The following ERICH3 variants were observed in gnomAD, a reference collection of about 807,000 sequenced individuals.
ERICH3 encodes glutamate-rich protein 3.
Under a neutral mutation model 131.1 loss-of-function variants are expected in ERICH3, and 126 were observed. The ratio of observed to expected loss-of-function variants is 0.96; its 90% CI spans 0.83 to 1.11. ERICH3 has a LOEUF of 1.11. Ranked by LOEUF, ERICH3 falls within the 50% of genes most tolerant of loss-of-function variation. ERICH3 has a pLI of 0.00. For missense variants in ERICH3, 2,050 were observed against 1,810.7 expected (o/e 1.13, Z -2.40); for synonymous variants, 695 against 644.6 (o/e 1.08, Z -1.18).
At chr1:74,656,401 C>T (rs1286189126) in intron 1 of ERICH3, among the ~76,000 whole-genome samples, 1 of 152,174 alleles carries the variant, frequency 6.6e-6, no homozygotes, top group Non-Finnish European at 1.5e-5. Flanking sequence ...GGGAATTCCT[C>T]TACCATCACT....
Position 74,585,032 on chromosome 1 carries a change from A to G in ERICH3, c.2176+4599T>C, listed in dbSNP as rs1285225092. ...AGCACTATGACTTTTCCTGATTCAC[A>G]TACAAAAATAGAAAATGCTTATTCC... On this transcript the variant is annotated intron_variant, in intron 12 of 14. Transcript: ENST00000326665. 2.6e-5 allele frequency among the ~76,000 whole-genome samples: 4 copies of G among 152,220 alleles called. No individual in the cohort carries two copies. In the East Asian group the frequency reaches 5.8e-4, roughly 22 times the overall value.
At chr1:74,674,013 T>C (rs77491876), upstream of ERICH3, among the ~76,000 whole-genome samples, 13,175 of 152,196 alleles carry the variant, frequency 0.087, 592 homozygotes, top group South Asian at 0.11. Flanking sequence ...AAGGAAGGAC[T>C]GGGTAGCGGC....
At chr1:74,610,305 T>A (rs945265703) in intron 9 of ERICH3, among the ~76,000 whole-genome samples, 1 of 151,204 alleles carries the variant, frequency 6.6e-6, no homozygotes, top group African/African-American at 2.4e-5. Flanking sequence ...GTTGATAAAT[T>A]TATGTATTGT....
intron 12 of ERICH3, among the ~76,000 whole-genome samples, chr1:74,587,050 G>A (rs1647360280): frequency 2.0e-5 from 3 of 152,220 alleles, no homozygotes; most frequent in Admixed American, 1.3e-4. Flanking sequence ...AACAGGCTGG[G>A]CATGGTGGCT....
intron 13 of ERICH3, among the ~76,000 whole-genome samples, 195 bp downstream of exon 13, chr1:74,576,700 C>T (rs572877037): frequency 6.6e-6 from 1 of 151,912 alleles, no homozygotes. Flanking sequence ...GATAATGTGA[C>T]CATATGATGA....
chr1:74,636,120 A>G (rs1170276229), intron 6 of ERICH3, among the ~76,000 whole-genome samples, 160 bp downstream of exon 6: 1 of 152,196 alleles, frequency 6.6e-6, no homozygotes, highest in Non-Finnish European at 1.5e-5. Context: ...CATTTGAGTA[A>G]GACATAATTA....
intron 1 of ERICH3, among the ~76,000 whole-genome samples, chr1:74,654,814 A>G (rs1027829058): frequency 6.6e-6 from 1 of 152,166 alleles, no homozygotes; most frequent in Non-Finnish European, 1.5e-5. Flanking sequence ...AGTTTAAATC[A>G]CTTGCCAAAG....
chr1:74,580,855 A>G (rs1647165233), intron 12 of ERICH3, among the ~76,000 whole-genome samples: 1 of 152,126 alleles, frequency 6.6e-6, no homozygotes, highest in Non-Finnish European at 1.5e-5. Context: ...TGGTGTGCAA[A>G]TGATCCCATC....
intron 1 of ERICH3, among the ~76,000 whole-genome samples, chr1:74,651,413 C>A (rs899505244): frequency 1.3e-5 from 2 of 152,118 alleles, no homozygotes; most frequent in African/African-American, 4.8e-5. Flanking sequence ...CCAAGAGCTT[C>A]AGTAAGGCAC....
At chr1:74,652,857 T>C (rs1469950115) in intron 1 of ERICH3, among the ~76,000 whole-genome samples, 2 of 152,142 alleles carry the variant, frequency 1.3e-5, no homozygotes, top group Non-Finnish European at 2.9e-5. Flanking sequence ...CAAGACTATC[T>C]ACCCATCCCC....
intron 11 of ERICH3, among the ~76,000 whole-genome samples, chr1:74,593,158 A>G (rs953973407): frequency 1.3e-5 from 2 of 152,176 alleles, no homozygotes; most frequent in African/African-American, 4.8e-5. Flanking sequence ...GGCCGAAGCC[A>G]GCAAGTTTGG....
chr1:74,607,551 G>C (rs536933343), intron 9 of ERICH3, among the ~76,000 whole-genome samples: 7 of 151,908 alleles, frequency 4.6e-5, no homozygotes, highest in African/African-American at 1.7e-4. Flanking sequence ...TATTTTCATA[G>C]AACTGTCATT....
intron 12 of ERICH3, among the ~76,000 whole-genome samples, chr1:74,583,063 T>A (rs1647207108): frequency 6.6e-6 from 1 of 152,178 alleles, no homozygotes; most frequent in African/African-American, 2.4e-5. Flanking sequence ...AAAGCCACAG[T>A]ATTTCTGTCC....
intron 7 of ERICH3, among the ~76,000 whole-genome samples, chr1:74,631,188 G>A (rs1557691912): frequency 6.6e-6 from 1 of 152,008 alleles, no homozygotes; most frequent in Non-Finnish European, 1.5e-5. Context: ...TTACTAGCTT[G>A]TATGTGTATA....
intron 12 of ERICH3, among the ~76,000 whole-genome samples, chr1:74,585,019 T>C (rs1647265665): frequency 6.6e-6 from 1 of 152,218 alleles, no homozygotes; most frequent in East Asian, 1.9e-4. Flanking sequence ...CACTATGACT[T>C]TTCCTGATTC....
At chr1:74,593,253 T>C (rs1214035161) in intron 11 of ERICH3, among the ~76,000 whole-genome samples, 2 of 152,168 alleles carry the variant, frequency 1.3e-5, no homozygotes, top group African/African-American at 2.4e-5. Context: ...TCCCTTTTCA[T>C]GTCATTGACA....
chr1:74,579,342 G>T (rs1647134748), intron 12 of ERICH3: 12 of 937,886 alleles, frequency 1.3e-5, no homozygotes, highest in Non-Finnish European at 1.5e-5. Flanking sequence ...AGCAGGTACT[G>T]AACCAAAAGA....
chr1:74,636,270 TA>T lies in ERICH3; in HGVS notation c.603+9del, dbSNP rs1646387923. ...ATTAAAATATATTTATTGATAAAAA[TA>T]ACATTTACCCCAATGGGAAACAGAG... On this transcript the variant is annotated intron_variant, in intron 6 of 14. Transcript: ENST00000326665. 2 of 1,572,122 alleles carry T rather than the reference TA, an allele frequency of 1.3e-6. No homozygotes were observed. The highest frequency in any genetic ancestry group is 2.7e-5 in the African/African-American group (2 of 72,948).
At chr1:74,577,052 A>C in intron 12 of ERICH3, 116 bp from the exon 13 acceptor site, 1 of 783,692 alleles carries the variant, frequency 1.3e-6, no homozygotes, top group Non-Finnish European at 2.0e-6. Context: ...CTGTTCAACT[A>C]TCTGGGAGGC....
Sources: allele counts gnomAD v4.1 joint callset (sites outside exome capture counted in the v4.1 genomes callset), GRCh38; gene constraint gnomAD v4.1.1; transcripts MANE v1.5; gene names NCBI Gene and HGNC (gene_info 2026-07-23, HGNC 2026-07-21).